Variants in MID2 observed in about 807,000 individuals in gnomAD.
MID2 encodes probable E3 ubiquitin-protein ligase MID2.
In MID2, 13 loss-of-function variants were observed where a neutral mutation model predicts 46.1. The ratio of observed to expected loss-of-function variants is 0.28; its 90% CI spans 0.18 to 0.45. The LOEUF is 0.45. Among genes scored for constraint, MID2 ranks in the 20% least tolerant of loss-of-function variants. The probability of loss-of-function intolerance (pLI) is 1.00; values close to 1 mark genes in which losing one functional copy is unlikely to be tolerated. For missense variants in MID2, 431 were observed against 575.4 expected, an observed-to-expected ratio of 0.75 and a Z score of 2.57; for synonymous variants, 199 against 212.3, an observed-to-expected ratio of 0.94 and a Z score of 0.55.
Position 107,885,893 on chromosome X carries a change from T to C in MID2, c.817-18065T>C, listed in dbSNP as rs754987246. Among the ~76,000 whole-genome samples, 831 of 112,434 alleles carry C rather than the reference T, an allele frequency of 7.4e-3. 15 individuals carry two copies. Among genetic ancestry groups the C allele is most frequent in the African/African-American group, 0.026 (804 of 30,868 alleles). ...GCCAGTGATGATGAGCATTTTTTCATGTGTCTTTTGGCTGCATAAATGTCT... is the reference window on the plus strand; with the variant it reads ...GCCAGTGATGATGAGCATTTTTTCACGTGTCTTTTGGCTGCATAAATGTCT... On this transcript the variant is annotated intron_variant, in intron 3 of 9. Coordinates refer to ENST00000262843, the MANE Select transcript of MID2 (RefSeq NM_012216.4).
intron 3 of MID2, among the ~76,000 whole-genome samples, chrX:107,903,249 G>C (rs1246887267): frequency 9.1e-6 from 1 of 109,899 alleles, no homozygotes; most frequent in African/African-American, 3.3e-5. Flanking sequence ...TGGGGGCTCT[G>C]TACCATCTAG....
chrX:107,842,482 T>C (rs1048171147), intron 2 of MID2, among the ~76,000 whole-genome samples: 4 of 112,094 alleles, frequency 3.6e-5, no homozygotes, highest in African/African-American at 9.7e-5. Flanking sequence ...CCAGATAGGA[T>C]AAAAGGAGGG....
rs193288078 is a variant in MID2 at position 107,925,229 on chromosome X, C to T, written c.1597+725C>T. Among the ~76,000 whole-genome samples the T allele has an allele frequency of 4.3e-3, 477 of 112,153 alleles. 14 individuals carry two copies. The highest frequency in any genetic ancestry group is 0.04 in the Admixed American group (425 of 10,589). On this transcript the variant is annotated intron_variant, in intron 8 of 9. Transcript: ENST00000262843. ...TTCCATCTGCTTCCATGTTCTTAGC[C>T]GCCCCTAGCAGTAAGGGAGGCTGGA...
intron 3 of MID2, among the ~76,000 whole-genome samples, chrX:107,887,067 A>C (rs1932469534): frequency 1.8e-5 from 2 of 111,790 alleles, no homozygotes; most frequent in African/African-American, 3.3e-5. Context: ...TGTCATCTGC[A>C]AACAGGGACA....
At chrX:107,857,368 C>G (rs889671900) in intron 3 of MID2, among the ~76,000 whole-genome samples, 1 of 108,995 alleles carries the variant, frequency 9.2e-6, no homozygotes, top group African/African-American at 3.4e-5. Context: ...GCAACCTCTG[C>G]CTCCTAGGTT....
intron 3 of MID2, among the ~76,000 whole-genome samples, chrX:107,899,996 A>G (rs1192258503): frequency 8.9e-6 from 1 of 112,062 alleles, no homozygotes. Context: ...TTCACATCAC[A>G]AAGACCGGTT....
At chrX:107,883,991 A>G (rs1184323904) in intron 3 of MID2, among the ~76,000 whole-genome samples, 1 of 112,755 alleles carries the variant, frequency 8.9e-6, no homozygotes, top group Non-Finnish European at 1.9e-5. Flanking sequence ...TTTAGGTTCT[A>G]GATTAGATTA....
intron 7 of MID2, among the ~76,000 whole-genome samples, chrX:107,922,121 C>T (rs1181938666): frequency 8.9e-6 from 1 of 111,832 alleles, no homozygotes; most frequent in Non-Finnish European, 1.9e-5. Flanking sequence ...CATGAGTTTA[C>T]ACCAATACCT....
intron 3 of MID2, among the ~76,000 whole-genome samples, chrX:107,888,175 T>A (rs1932508929): frequency 8.9e-6 from 1 of 111,825 alleles, no homozygotes; most frequent in African/African-American, 3.3e-5. Context: ...AGCTTTTGAA[T>A]GTGTTTGCTC....
intron 3 of MID2, among the ~76,000 whole-genome samples, chrX:107,856,042 C>T (rs1022405196): frequency 1.3e-4 from 15 of 112,122 alleles, no homozygotes; most frequent in Admixed American, 4.7e-4. Context: ...TTCTCAGTTT[C>T]AGTGTTCTTA....
intron 3 of MID2, among the ~76,000 whole-genome samples, chrX:107,861,345 C>T (rs1260811296): frequency 6.3e-5 from 7 of 111,449 alleles, no homozygotes; most frequent in Non-Finnish European, 1.1e-4. Context: ...CAGGGCTGGG[C>T]GCGGTGACTC....
intron 3 of MID2, among the ~76,000 whole-genome samples, chrX:107,883,076 T>A (rs1029804726): frequency 2.7e-5 from 3 of 111,506 alleles, no homozygotes; most frequent in Non-Finnish European, 5.6e-5. Flanking sequence ...CTGGAAACCA[T>A]CATTCTCAGC....
chrX:107,873,409 T>C (rs1932121446), intron 3 of MID2, among the ~76,000 whole-genome samples: 1 of 112,124 alleles, frequency 8.9e-6, no homozygotes, highest in African/African-American at 3.2e-5. Flanking sequence ...TGTTTAACTG[T>C]ATCAGGTTTT....
At chrX:107,885,753 T>C (rs1666367338) in intron 3 of MID2, among the ~76,000 whole-genome samples, 1 of 111,940 alleles carries the variant, frequency 8.9e-6, no homozygotes, top group Non-Finnish European at 1.9e-5. Context: ...GTAAAAGTGT[T>C]CCTATTTCTC....
intron 3 of MID2, 75 bp downstream of exon 3, chrX:107,854,779 C>A: frequency 1.4e-6 from 1 of 703,622 alleles, no homozygotes; most frequent in Non-Finnish European, 2.2e-6. Context: ...TCAGTTTTGT[C>A]AGAGTGTAGC....
At chrX:107,868,295 A>C (rs1390096792) in intron 3 of MID2, among the ~76,000 whole-genome samples, 1 of 111,986 alleles carries the variant, frequency 8.9e-6, no homozygotes, top group Non-Finnish European at 1.9e-5. Context: ...CAGCAGGAAA[A>C]CTAGGAAAAT....
chrX:107,837,799 C>T (rs1336883669), intron 1 of MID2, among the ~76,000 whole-genome samples: 1 of 111,717 alleles, frequency 9.0e-6, no homozygotes, highest in Non-Finnish European at 1.9e-5. Flanking sequence ...GTAATAGTAA[C>T]TTCCTCACAA....
rs146058302 is a variant in MID2, at chrX:107,898,396, C to T, written c.817-5562C>T. 0.011 allele frequency among the ~76,000 whole-genome samples: 1,211 copies of T among 111,840 alleles called. 11 individuals carry two copies. In the Middle Eastern group the frequency reaches 0.12, roughly 12 times the overall value. Reference sequence around the variant, plus strand: ...AATTCATTCTGCCTAAACTTGTCTCCCCTTAAGCTCCATTTCTAGCTGCCC... The same window carrying T: ...AATTCATTCTGCCTAAACTTGTCTCTCCTTAAGCTCCATTTCTAGCTGCCC... On this transcript the variant is annotated intron_variant, in intron 3 of 9. Transcript: ENST00000262843.
chrX:107,854,630 A>G lies in MID2; in HGVS notation c.742A>G (p.Thr248Ala), dbSNP rs754942941. 5 of 1,210,659 alleles carry G rather than the reference A, an allele frequency of 4.1e-6. No individual in the cohort carries two copies. The Admixed American group carries it at 1.1e-4, about 26-fold the overall frequency. The stretch of plus-strand genomic sequence containing the variant: ...ACAGCAAACTCTGGAGATGAACCTC[A>G]CCAACCTGGTTAAGCGCAACAGCGA... The part of the protein sequence containing the change: ...KLKQTLEMNL[T>A]NLVKRNSELE... The change falls in exon 3 of 10, where the codon ACC becomes GCC. Residue 248 changes from threonine to alanine, a missense_variant. Physicochemically the swap from Thr to Ala is moderately conservative, Grantham distance 58. Coordinates refer to ENST00000262843, the MANE Select transcript of MID2 (RefSeq NM_012216.4).
Sources: allele counts gnomAD v4.1 joint callset (sites outside exome capture counted in the v4.1 genomes callset), GRCh38; gene constraint gnomAD v4.1.1; transcripts MANE v1.5; gene names NCBI Gene and HGNC (gene_info 2026-07-23, HGNC 2026-07-21).